Variants in ADCYAP1R1 observed in about 807,000 individuals in gnomAD.
ADCYAP1R1 encodes the protein pituitary adenylate cyclase-activating polypeptide type I receptor.
ADCYAP1R1 carries 44 observed loss-of-function variants against 67.6 expected under a neutral mutation model. The ratio of observed to expected loss-of-function variants is 0.65; its 90% CI spans 0.51 to 0.84. ADCYAP1R1 has a LOEUF of 0.84. Among genes scored for constraint, ADCYAP1R1 ranks in the 40% least tolerant of loss-of-function variants. ADCYAP1R1 has a pLI of 0.00. For synonymous variants in ADCYAP1R1, 222 were observed against 219.6 expected, an observed-to-expected ratio of 1.01 and a Z score of -0.10; for missense variants, 477 against 587.9, an observed-to-expected ratio of 0.81 and a Z score of 1.95.
intron 7 of ADCYAP1R1, 136 bp downstream of exon 7, chr7:31,084,386 T>A: frequency 1.4e-6 from 1 of 692,078 alleles, no homozygotes; most frequent in Non-Finnish European, 2.5e-6. Context: ...CACCTGCACC[T>A]GGCTACTCTT....
rs776224461 is a variant in ADCYAP1R1 at position 31,106,619 on chromosome 7, ATCCTGAGCAAGAGCAGC to A, written c.1346_1362del (p.Leu449ProfsTer10). On this transcript the variant is annotated frameshift_variant, in exon 16 of 16. Coordinates refer to ENST00000304166, the MANE Select transcript of ADCYAP1R1 (RefSeq NM_001118.5). LOFTEE classifies it high-confidence loss of function. Reference sequence around the variant, plus strand: ...GGTGAATGGGGGCACCCAGCTCTCCATCCTGAGCAAGAGCAGCTCCCAAATCCGCATGTCTGGCCTCC... The same window carrying A: ...GGTGAATGGGGGCACCCAGCTCTCCATCCCAAATCCGCATGTCTGGCCTCC... 1 of 1,613,852 alleles carries A rather than the reference ATCCTGAGCAAGAGCAGC, an allele frequency of 6.2e-7. No homozygotes were observed. Among genetic ancestry groups the A allele is most frequent in the South Asian group, 1.1e-5 (1 of 91,032 alleles).
chr7:31,101,574 C>T (rs1796437948), intron 13 of ADCYAP1R1, among the ~76,000 whole-genome samples: 1 of 152,186 alleles, frequency 6.6e-6, no homozygotes, highest in South Asian at 2.1e-4. Context: ...TTTTCCTCTG[C>T]ATTCCCGACT....
intron 12 of ADCYAP1R1, among the ~76,000 whole-genome samples, chr7:31,090,326 A>C (rs1795914026): frequency 6.6e-6 from 1 of 152,022 alleles, no homozygotes; most frequent in African/African-American, 2.4e-5. Context: ...AAATTTGTTT[A>C]ATTATATTTT....
At chr7:31,074,225 C>T (rs567423643) in intron 3 of ADCYAP1R1, among the ~76,000 whole-genome samples, 33 of 152,250 alleles carry the variant, frequency 2.2e-4, no homozygotes, top group African/African-American at 6.5e-4. Context: ...GAGCCTGCGG[C>T]GGAAGGAAAT....
intron 13 of ADCYAP1R1, chr7:31,100,243 A>G (rs1796383883): frequency 3.2e-6 from 5 of 1,545,416 alleles, no homozygotes; most frequent in Non-Finnish European, 3.5e-6. Flanking sequence ...GTGGCCGGGA[A>G]TCCTGGAGGG....
rs1180891277 is a variant in ADCYAP1R1 at position 31,086,198 on chromosome 7, A to ATG, written c.670-185_670-184dup. Among the ~76,000 whole-genome samples the ATG allele has an allele frequency of 2.6e-5, 4 of 152,186 alleles. No homozygotes were observed. Among genetic ancestry groups the ATG allele is most frequent in the Admixed American group, 2.0e-4 (3 of 15,288 alleles). The stretch of plus-strand genomic sequence containing the variant: ...GTCCTGTGTGTGCAGTTTTGCCTCC[A>ATG]TGGGCAGCTTTGACTCAGAATCATG... On this transcript the variant is annotated intron_variant, in intron 9 of 15. Transcript: ENST00000304166. The surrounding 1 kb of genome is among the most constrained non-coding windows in gnomAD (Gnocchi z 5.0).
At chr7:31,085,154 CAGTG>C (rs1337903708) in intron 8 of ADCYAP1R1, among the ~76,000 whole-genome samples, 152 bp from the exon 9 acceptor site, 3 of 152,134 alleles carry the variant, frequency 2.0e-5, no homozygotes, top group Non-Finnish European at 1.5e-5. Context: ...GCCTGGAAGT[CAGTG>C]AGGATTTAGA....
chr7:31,084,769 C>G lies in ADCYAP1R1; in HGVS notation c.471C>G (p.Tyr157Ter), dbSNP rs764814213. 5.6e-6 allele frequency: 9 copies of G among 1,614,130 alleles called. No individual in the cohort carries two copies. Residue 157 changes from tyrosine to a stop codon, truncating the protein, a stop_gained, in exon 8 of 16, where the codon TAC (tyrosine) becomes TAG (stop). Coordinates refer to ENST00000304166, the MANE Select transcript of ADCYAP1R1 (RefSeq NM_001118.5). LOFTEE classifies it high-confidence loss of function. ...ACTACCTGTCAGTGAAGGCCCTCTA[C>G]ACGGTTGGCTACAGCACATCCCTCG... ...DYYYLSVKAL[Y>*]TVGYSTSLVT...
intron 12 of ADCYAP1R1, among the ~76,000 whole-genome samples, chr7:31,091,349 C>A (rs989671936): frequency 6.6e-6 from 1 of 152,206 alleles, no homozygotes; most frequent in African/African-American, 2.4e-5. Context: ...CAAATATATT[C>A]TCCCATTCTG....
rs1002798215 is a variant in ADCYAP1R1, at chr7:31,102,182, G to C, written c.1047-1055G>C. Among the ~76,000 whole-genome samples, 18 of 152,204 alleles carry C rather than the reference G, an allele frequency of 1.2e-4. No individual in the cohort carries two copies. The highest frequency in any genetic ancestry group is 3.2e-3 in the Middle Eastern group (1 of 316). On this transcript the variant is annotated intron_variant, in intron 13 of 15. Transcript: ENST00000304166. The surrounding 1 kb of genome is among the most constrained non-coding windows in gnomAD (Gnocchi z 4.3). ...ATGGTGTAATTGCCCCAAATCAAAC[G>C]ACTGCCTCATGCCTGCTGTCCACCC... is the stretch of plus-strand genomic sequence containing the variant.
Position 31,081,695 on chromosome 7 carries a change from T to C in ADCYAP1R1, c.287-18T>C. On this transcript the variant is annotated intron_variant, in intron 5 of 15. Coordinates refer to ENST00000304166, the MANE Select transcript of ADCYAP1R1 (RefSeq NM_001118.5). The stretch of plus-strand genomic sequence containing the variant: ...TAAGCCAGGCATTTTGATATATGCC[T>C]ATGTCTGTATTTTTCAGGAGAGTCT... 6.3e-7 allele frequency: 1 copy of C among 1,592,504 alleles called. No homozygotes were observed. The highest frequency in any genetic ancestry group is 8.6e-7 in the Non-Finnish European group (1 of 1,168,872).
At position 31,086,323 on chromosome 7, in the gene ADCYAP1R1, T is replaced by G; in HGVS notation, c.670-61T>G. Reference sequence around the variant, plus strand: ...ATGCCAGAGCCAACGGGCCCTAGGATTCTCCCTTGCTCCTGTTCCTGTTGG... The same window carrying G: ...ATGCCAGAGCCAACGGGCCCTAGGAGTCTCCCTTGCTCCTGTTCCTGTTGG... On this transcript the variant is annotated intron_variant, in intron 9 of 15. Transcript: ENST00000304166. This position sits in a 1 kb window ranked among gnomAD's most constrained non-coding sequence, Gnocchi z 5.0. 3 of 1,570,384 alleles carry G rather than the reference T, an allele frequency of 1.9e-6. No individual in the cohort carries two copies. Among genetic ancestry groups the G allele is most frequent in the Non-Finnish European group, 2.6e-6 (3 of 1,155,228 alleles).
chr7:31,068,704 T>C (rs1327825835), intron 3 of ADCYAP1R1, among the ~76,000 whole-genome samples: 1 of 152,134 alleles, frequency 6.6e-6, no homozygotes, highest in African/African-American at 2.4e-5. Context: ...GGGAGGCCCC[T>C]GGGGAGGCTG....
At chr7:31,078,760 A>G (rs1283711524) in intron 4 of ADCYAP1R1, among the ~76,000 whole-genome samples, 1 of 152,102 alleles carries the variant, frequency 6.6e-6, no homozygotes, top group East Asian at 1.9e-4. Flanking sequence ...CGGGCTCAAG[A>G]TGGGAGGAGC....
rs1795448525 is a variant in ADCYAP1R1 at position 31,080,026 on chromosome 7, G to A, written c.266-587G>A. 2.0e-5 allele frequency among the ~76,000 whole-genome samples: 3 copies of A among 152,188 alleles called. No individual in the cohort carries two copies. In the South Asian group the frequency reaches 6.2e-4, roughly 32 times the overall value. On this transcript the variant is annotated intron_variant, in intron 4 of 15. Transcript: ENST00000304166. ...TCTTTCGTTCCGTCATTTATTTAAA[G>A]TTTGTTTATTGAACATCTACTCTGG...
intron 13 of ADCYAP1R1, among the ~76,000 whole-genome samples, chr7:31,094,701 C>T (rs115999910): frequency 0.062 from 9,448 of 152,118 alleles, 1,005 homozygotes; most frequent in African/African-American, 0.22. Flanking sequence ...GAAAGAAGTG[C>T]CCGCCAAGGT....
rs199854591 is a variant in ADCYAP1R1, at chr7:31,084,262, C to T, written c.438+12C>T. The T allele has an allele frequency of 2.2e-4, 358 of 1,606,840 alleles. 1 individual carries two copies. In the African/African-American group the frequency reaches 4.0e-3, roughly 18 times the overall value. On this transcript the variant is annotated intron_variant, in intron 7 of 15. Transcript: ENST00000304166. ...AGACTGGGGACCAGGTGAGTGTCTG[C>T]ACCCTGCTCCCCAGAGGTGGTGAGG...
At chr7:31,100,333 C>A in intron 13 of ADCYAP1R1, 1 of 664,378 alleles carries the variant, frequency 1.5e-6, no homozygotes. Flanking sequence ...AACCCATTCC[C>A]GGCTGTTGCA....
intron 13 of ADCYAP1R1, among the ~76,000 whole-genome samples, chr7:31,096,021 T>A (rs1248486688): frequency 6.6e-6 from 1 of 152,122 alleles, no homozygotes; most frequent in Non-Finnish European, 1.5e-5. Flanking sequence ...GGGTTAGGGC[T>A]TAGCCCTCAG....
Sources: gnomAD v4.1 joint callset for allele counts (sites outside exome capture counted in the v4.1 genomes callset) on GRCh38, gnomAD v4.1.1 for gene constraint, Gnocchi (gnomAD v3.1) non-coding constraint, MANE v1.5 for transcripts, NCBI Gene and HGNC (gene_info 2026-07-23, HGNC 2026-07-21) for gene names.